RARB: variants seen among roughly 807,000 people sequenced by gnomAD.
The protein encoded by RARB is retinoic acid receptor beta, also known as HBV-activated protein.
RARB carries 17 observed loss-of-function variants against 51.9 expected under a neutral mutation model. The ratio of observed to expected loss-of-function variants is 0.33; its 90% CI spans 0.22 to 0.49. The LOEUF (loss-of-function observed/expected upper bound fraction) is 0.49, where lower values mean the gene tolerates loss of function less well. Ranked by LOEUF, RARB falls within the 20% of genes least tolerant of loss-of-function variation. The probability of loss-of-function intolerance (pLI) is 0.99; values close to 1 mark genes in which losing one functional copy is unlikely to be tolerated. For missense variants in RARB, 369 were observed against 550.8 expected, an observed-to-expected ratio of 0.67 and a Z score of 3.30; for synonymous variants, 215 against 195.4, an observed-to-expected ratio of 1.10 and a Z score of -0.84.
At chr3:25,512,958 T>G (rs1163022219) in intron 3 of RARB, among the ~76,000 whole-genome samples, 1 of 152,064 alleles carries the variant, frequency 6.6e-6, no homozygotes, top group African/African-American at 2.4e-5. Context: ...GTGAGCCTAG[T>G]GCCTTGTACT....
intron 5 of RARB, among the ~76,000 whole-genome samples, chr3:25,187,820 C>T (rs1701012399): frequency 6.6e-6 from 1 of 151,832 alleles, no homozygotes; most frequent in Non-Finnish European, 1.5e-5. Context: ...AATATTTTAC[C>T]TATGACTTTA....
chr3:24,896,548 C>T (rs1160473213), intron 2 of RARB, among the ~76,000 whole-genome samples: 7 of 152,244 alleles, frequency 4.6e-5, no homozygotes, highest in East Asian at 3.9e-4. Flanking sequence ...TGCCAGCCAC[C>T]GCGCCTGGCC....
At chr3:25,537,637 T>C (rs1441639058) in intron 3 of RARB, among the ~76,000 whole-genome samples, 1 of 152,202 alleles carries the variant, frequency 6.6e-6, no homozygotes, top group African/African-American at 2.4e-5. Flanking sequence ...TGTGTATTTC[T>C]GCAGCTCCCT....
intron 5 of RARB, among the ~76,000 whole-genome samples, chr3:25,261,116 G>A (rs1157861591): frequency 1.3e-5 from 2 of 152,092 alleles, no homozygotes; most frequent in Non-Finnish European, 1.5e-5. Flanking sequence ...GGGAGTACAT[G>A]TTCTACATGT....
chr3:24,847,550 G>A (rs868023078), intron 1 of RARB, among the ~76,000 whole-genome samples: 3 of 152,192 alleles, frequency 2.0e-5, no homozygotes, highest in Non-Finnish European at 4.4e-5. Context: ...AGTGGCTCTT[G>A]AGTCTCAGTC....
At chr3:25,123,732 T>C (rs1336078822) in intron 3 of RARB, among the ~76,000 whole-genome samples, 1 of 152,194 alleles carries the variant, frequency 6.6e-6, no homozygotes, top group Non-Finnish European at 1.5e-5. Context: ...TTGCTGCCTA[T>C]TTTTACCCTC....
chr3:25,338,381 T>C (rs1705127461), intron 5 of RARB, among the ~76,000 whole-genome samples: 1 of 152,160 alleles, frequency 6.6e-6, no homozygotes, highest in Non-Finnish European at 1.5e-5. Flanking sequence ...GTGGCATTAT[T>C]GAAGGGTGGG....
intron 4 of RARB, among the ~76,000 whole-genome samples, chr3:25,162,902 T>G (rs1219442353): frequency 1.3e-5 from 2 of 152,244 alleles, no homozygotes; most frequent in African/African-American, 4.8e-5. Flanking sequence ...AGGTTTTATG[T>G]GGACATGTTT....
intron 5 of RARB, among the ~76,000 whole-genome samples, chr3:25,262,897 G>A (rs1471535066): frequency 6.6e-6 from 1 of 152,102 alleles, no homozygotes; most frequent in East Asian, 1.9e-4. Context: ...TTCCACATTA[G>A]TAAATATTGT....
rs71057685 is a variant in RARB, at chr3:24,843,900, TACACACAC to T, written c.-459+14527_-459+14534del. 5.0e-4 allele frequency among the ~76,000 whole-genome samples: 73 copies of T among 145,248 alleles called. No individual in the cohort carries two copies. In the South Asian group the frequency reaches 7.1e-3, roughly 14 times the overall value. ...TTTTGTTGTTTTGGTGATTTGAGGGTACACACACACACACACACACACACACACACACA... is the reference window on the plus strand; with the variant it reads ...TTTTGTTGTTTTGGTGATTTGAGGGTACACACACACACACACACACACACA... On this transcript the variant is annotated intron_variant, in intron 1 of 11. Coordinates refer to the RARB transcript ENST00000383772.
At chr3:25,200,015 C>G (rs892174245) in intron 5 of RARB, among the ~76,000 whole-genome samples, 3 of 152,156 alleles carry the variant, frequency 2.0e-5, no homozygotes, top group South Asian at 2.1e-4. Flanking sequence ...CCTGAGGAAT[C>G]ACCACACTGT....
intron 4 of RARB, among the ~76,000 whole-genome samples, chr3:25,142,979 G>A (rs1487036294): frequency 6.6e-6 from 1 of 152,312 alleles, no homozygotes; most frequent in African/African-American, 2.4e-5. Flanking sequence ...AGTCACAGTA[G>A]TGATAGGAAT....
intron 2 of RARB, among the ~76,000 whole-genome samples, chr3:25,045,256 T>C (rs1446658295): frequency 1.3e-5 from 2 of 152,186 alleles, no homozygotes; most frequent in South Asian, 2.1e-4. Context: ...CGAAATGTTG[T>C]GCATTTATAG....
intron 5 of RARB, among the ~76,000 whole-genome samples, chr3:25,232,436 T>C (rs1449612287): frequency 6.6e-6 from 1 of 152,152 alleles, no homozygotes; most frequent in Non-Finnish European, 1.5e-5. Flanking sequence ...TTAATACTTC[T>C]AATCCATGAA....
At chr3:25,262,696 C>T (rs1703032143) in intron 5 of RARB, among the ~76,000 whole-genome samples, 1 of 152,096 alleles carries the variant, frequency 6.6e-6, no homozygotes, top group Non-Finnish European at 1.5e-5. Context: ...TACCTTGTGC[C>T]CACCTGGGAA....
At chr3:25,093,361 T>G (rs1007574860) in intron 3 of RARB, among the ~76,000 whole-genome samples, 19 of 152,114 alleles carry the variant, frequency 1.2e-4, no homozygotes, top group Non-Finnish European at 2.2e-4. Flanking sequence ...GTGAGAAAAT[T>G]ATGGCAGTGA....
chr3:25,076,883 AC>A (rs1335474413), intron 3 of RARB, among the ~76,000 whole-genome samples: 2 of 152,234 alleles, frequency 1.3e-5, no homozygotes, highest in Non-Finnish European at 2.9e-5. Flanking sequence ...TTCCCATGAG[AC>A]ATTTCCCATG....
intron 2 of RARB, among the ~76,000 whole-genome samples, chr3:24,885,542 C>T (rs569991770): frequency 4.3e-4 from 65 of 152,214 alleles, no homozygotes; most frequent in Non-Finnish European, 7.5e-4. Flanking sequence ...AGAATGAGTG[C>T]CGTCTAGCAT....
At chr3:24,989,508 AG>A (rs1696865923) in intron 2 of RARB, among the ~76,000 whole-genome samples, 1 of 78,954 alleles carries the variant, frequency 1.3e-5, no homozygotes. Flanking sequence ...TGATATTGCA[AG>A]GTATTTTAAT....
Sources: allele counts gnomAD v4.1 joint callset (sites outside exome capture counted in the v4.1 genomes callset), GRCh38; gene constraint gnomAD v4.1.1; transcripts MANE v1.5; gene names NCBI Gene and HGNC (gene_info 2026-07-23, HGNC 2026-07-21).